Variants in FBN1 observed in about 807,000 individuals in gnomAD.
FBN1 encodes the protein fibrillin 1.
In FBN1, 29 loss-of-function variants were observed where a neutral mutation model predicts 365.1. The ratio of observed to expected loss-of-function variants is 0.08; its 90% CI spans 0.06 to 0.11. The LOEUF is 0.11. Ranked by LOEUF, FBN1 falls within the 10% of genes least tolerant of loss-of-function variation. The pLI is 1.00. For synonymous variants in FBN1, 1,210 were observed against 1,270.5 expected (o/e 0.95, Z 1.01); for missense variants, 2,476 against 3,703.2 (o/e 0.67, Z 8.60).
chr15:48,465,204 G>A (rs2043310663), intron 40 of FBN1, among the ~76,000 whole-genome samples: 2 of 152,234 alleles, frequency 1.3e-5, no homozygotes, highest in Admixed American at 1.3e-4. Flanking sequence ...ATTAAAAGAA[G>A]AGGGCCCAGA....
At chr15:48,428,781 C>G (rs1035674760) in intron 56 of FBN1, among the ~76,000 whole-genome samples, 1 of 152,184 alleles carries the variant, frequency 6.6e-6, no homozygotes, top group Non-Finnish European at 1.5e-5. Context: ...CCATCTGAAT[C>G]TTTTATAGAA....
At position 48,596,390 on chromosome 15, in the gene FBN1, G is replaced by T. The variant is rs1027154934; in HGVS notation, c.443-12C>A. 4 of 1,611,520 alleles carry T rather than the reference G, an allele frequency of 2.5e-6. No homozygotes were observed. Among genetic ancestry groups the T allele is most frequent in the Non-Finnish European group, 3.4e-6 (4 of 1,177,644 alleles). ...ACTTTCACAAACAGCTGTAAAATAA[G>T]GAGAGAGCTGAGACGCTTTACCTGA... On this transcript the variant is annotated splice_polypyrimidine_tract_variant and intron_variant, in intron 5 of 65. Coordinates refer to ENST00000316623, the MANE Select transcript of FBN1 (RefSeq NM_000138.5).
rs560593097 is a variant in FBN1 at position 48,444,688 on chromosome 15, G to A, written c.5918-28C>T. 1.7e-5 allele frequency: 28 copies of A among 1,612,480 alleles called. No homozygotes were observed. In the East Asian group the frequency reaches 6.2e-4, roughly 36 times the overall value. The stretch of plus-strand genomic sequence containing the variant: ...GCAAAGAAAAGGGAAAAATAAGGAA[G>A]AGGTTCCCACTGGCATGACTTCCAT... On this transcript the variant is annotated intron_variant, in intron 48 of 65. Transcript: ENST00000316623.
intron 4 of FBN1, among the ~76,000 whole-genome samples, chr15:48,608,378 A>T (rs1430388134): frequency 6.6e-6 from 1 of 152,202 alleles, no homozygotes; most frequent in Non-Finnish European, 1.5e-5. Flanking sequence ...CAAACATTTC[A>T]CTGAGTAGAA....
chr15:48,581,791 C>A (rs970557618), intron 6 of FBN1, among the ~76,000 whole-genome samples: 2 of 151,986 alleles, frequency 1.3e-5, no homozygotes, highest in Admixed American at 6.6e-5. Context: ...GTAATGCTAG[C>A]GACCACAGTG....
At chr15:48,622,974 A>T (rs1186853608) in intron 2 of FBN1, among the ~76,000 whole-genome samples, 1 of 152,196 alleles carries the variant, frequency 6.6e-6, no homozygotes, top group Admixed American at 6.5e-5. Flanking sequence ...TATCTTCAAA[A>T]ACCTACATAG....
At chr15:48,500,206 A>G (rs1024325296) in intron 17 of FBN1, among the ~76,000 whole-genome samples, 7 of 152,252 alleles carry the variant, frequency 4.6e-5, no homozygotes, top group African/African-American at 1.7e-4. Flanking sequence ...TAAAATATGC[A>G]TGAAATACTG....
intron 2 of FBN1, among the ~76,000 whole-genome samples, chr15:48,626,312 A>G (rs1193768057): frequency 1.3e-5 from 2 of 152,116 alleles, no homozygotes; most frequent in East Asian, 3.8e-4. Context: ...GTATCATTTC[A>G]TCTACTTTTT....
intron 2 of FBN1, among the ~76,000 whole-genome samples, chr15:48,637,151 C>T (rs555711534): frequency 6.4e-4 from 98 of 152,250 alleles, no homozygotes; most frequent in African/African-American, 1.3e-3. Context: ...TCTTTCTTCA[C>T]CCCTTTCACT....
chr15:48,434,017 G>T (rs2043043647), intron 54 of FBN1, among the ~76,000 whole-genome samples: 1 of 152,162 alleles, frequency 6.6e-6, no homozygotes, highest in Admixed American at 6.5e-5. Context: ...AGGTGATGCT[G>T]ATACAGCTGC....
chr15:48,462,956 A>G, intron 42 of FBN1, 126 bp downstream of exon 42: 1 of 912,872 alleles, frequency 1.1e-6, no homozygotes, highest in Non-Finnish European at 1.8e-6. Context: ...TTAAATCATG[A>G]GCCGTTTTTT....
At chr15:48,490,604 G>A (rs901175776) in intron 24 of FBN1, among the ~76,000 whole-genome samples, 2 of 152,212 alleles carry the variant, frequency 1.3e-5, no homozygotes, top group African/African-American at 4.8e-5. Context: ...GCAAAGAAAA[G>A]CCATTCACTT....
chr15:48,458,235 C>T (rs560260252), intron 43 of FBN1, among the ~76,000 whole-genome samples: 1 of 152,196 alleles, frequency 6.6e-6, no homozygotes, highest in African/African-American at 2.4e-5. Flanking sequence ...GTGGAGCCTA[C>T]AAGAGCTGCT....
chr15:48,524,054 A>G (rs187398978), intron 9 of FBN1, among the ~76,000 whole-genome samples: 1 of 152,224 alleles, frequency 6.6e-6, no homozygotes, highest in Non-Finnish European at 1.5e-5. Flanking sequence ...ATGGTTGTGT[A>G]CAACCAGGAG....
intron 19 of FBN1, 120 bp downstream of exon 19, chr15:48,497,146 G>A (rs1048839042): frequency 6.6e-5 from 75 of 1,135,760 alleles, no homozygotes; most frequent in South Asian, 1.9e-4. Context: ...GCTAACATCC[G>A]AAGTATAAAG....
intron 32 of FBN1, among the ~76,000 whole-genome samples, chr15:48,477,069 C>A (rs913273764): frequency 2.0e-5 from 3 of 152,054 alleles, no homozygotes; most frequent in Non-Finnish European, 4.4e-5. Flanking sequence ...ATGACCACAA[C>A]CTATTAATCT....
intron 2 of FBN1, among the ~76,000 whole-genome samples, chr15:48,624,864 G>A (rs1393435794): frequency 6.6e-6 from 1 of 152,212 alleles, no homozygotes; most frequent in East Asian, 1.9e-4. Flanking sequence ...GGCGGAGCCG[G>A]GGGTGGAGCT....
intron 49 of FBN1, among the ~76,000 whole-genome samples, chr15:48,443,249 C>G (rs529437325): frequency 2.6e-5 from 4 of 152,250 alleles, no homozygotes; most frequent in African/African-American, 9.6e-5. Flanking sequence ...CCCCTATATC[C>G]AACCTTTTCT....
chr15:48,611,665 G>A (rs2044657435), intron 3 of FBN1, among the ~76,000 whole-genome samples: 1 of 152,076 alleles, frequency 6.6e-6, no homozygotes, highest in African/African-American at 2.4e-5. Context: ...CTACAGTCAG[G>A]AAGCCATTCA....
Sources: gnomAD v4.1 joint callset for allele counts (sites outside exome capture counted in the v4.1 genomes callset) on GRCh38, gnomAD v4.1.1 for gene constraint, MANE v1.5 for transcripts, NCBI Gene and HGNC (gene_info 2026-07-23, HGNC 2026-07-21) for gene names.